OLFM2: variants seen among roughly 807,000 people sequenced by gnomAD.
OLFM2 encodes olfactomedin 2, also known as noelin-2.
Under a neutral mutation model 43.9 loss-of-function variants are expected in OLFM2, and 20 were observed. The ratio of observed to expected loss-of-function variants is 0.46; its 90% CI spans 0.32 to 0.66. The LOEUF (loss-of-function observed/expected upper bound fraction) is 0.66. Ranked by LOEUF, OLFM2 falls within the 30% of genes least tolerant of loss-of-function variation. OLFM2 has a pLI of 0.04. For synonymous variants in OLFM2, 268 were observed against 278.6 expected (o/e 0.96, Z 0.38); for missense variants, 416 against 643.6 (o/e 0.65, Z 3.83).
At chr19:9,912,740 G>C (rs1425771465) in intron 1 of OLFM2, among the ~76,000 whole-genome samples, 1 of 151,970 alleles carries the variant, frequency 6.6e-6, no homozygotes, top group Non-Finnish European at 1.5e-5. Flanking sequence ...GGAGCTTCTG[G>C]AGGCAGTGTC....
intron 1 of OLFM2, among the ~76,000 whole-genome samples, chr19:9,908,181 G>A (rs73018063): frequency 0.2 from 30,305 of 151,914 alleles, 3,928 homozygotes; most frequent in African/African-American, 0.37. Flanking sequence ...CATGCCAGGC[G>A]TGGTGCGATC....
At chr19:9,926,042 T>C (rs56929712) in intron 1 of OLFM2, among the ~76,000 whole-genome samples, 22,661 of 151,384 alleles carry the variant, frequency 0.15, 4,881 homozygotes, top group African/African-American at 0.48. Context: ...GAGGCTGAGG[T>C]GGAAGGATCC....
chr19:9,918,103 T>G (rs1244833721), intron 1 of OLFM2, among the ~76,000 whole-genome samples: 1 of 152,090 alleles, frequency 6.6e-6, no homozygotes, highest in East Asian at 1.9e-4. Context: ...GGTTTTGAAC[T>G]CCTGACCTCT....
chr19:9,915,496 T>TTTATTTATTTA (rs1555728543), intron 1 of OLFM2, among the ~76,000 whole-genome samples: 1 of 94,086 alleles, frequency 1.1e-5, no homozygotes, highest in Admixed American at 1.5e-4. Context: ...AAAGGGACTT[T>TTTATTTATTTA]TTTATTTATT....
At chr19:9,931,907 GA>G (rs968245883) in intron 1 of OLFM2, among the ~76,000 whole-genome samples, 55 of 152,082 alleles carry the variant, frequency 3.6e-4, no homozygotes, top group African/African-American at 1.3e-3. Context: ...ATCCAGGAGC[GA>G]GTGTTCCCCT....
At chr19:9,877,535 AAAATAAATAAATAAAT>A (rs71188850) in intron 1 of OLFM2, among the ~76,000 whole-genome samples, 52 of 147,566 alleles carry the variant, frequency 3.5e-4, no homozygotes, top group African/African-American at 4.7e-4. Flanking sequence ...CTCTGTCTCA[AAAATAAATAAATAAAT>A]AAATAAATAA....
At chr19:9,877,247 A>AT (rs1430408941) in intron 1 of OLFM2, among the ~76,000 whole-genome samples, 2 of 142,022 alleles carry the variant, frequency 1.4e-5, no homozygotes, top group Admixed American at 7.2e-5. Context: ...AAAAAAAAAA[A>AT]ATATGGCCAG....
chr19:9,892,189 C>T (rs1363770560), intron 1 of OLFM2, among the ~76,000 whole-genome samples: 3 of 152,010 alleles, frequency 2.0e-5, no homozygotes, highest in Admixed American at 2.0e-4. Flanking sequence ...GAGGCACGTG[C>T]ATGGGTTGGT....
chr19:9,894,084 G>A (rs956993394), intron 1 of OLFM2, among the ~76,000 whole-genome samples: 3 of 152,046 alleles, frequency 2.0e-5, no homozygotes, highest in African/African-American at 7.2e-5. Context: ...CTTGAGGCCA[G>A]GAGTTCGAGA....
At chr19:9,869,844 C>T (rs2046429291) in intron 1 of OLFM2, among the ~76,000 whole-genome samples, 1 of 152,152 alleles carries the variant, frequency 6.6e-6, no homozygotes, top group African/African-American at 2.4e-5. Flanking sequence ...TGTTTGAACT[C>T]GTGGCCTCAG....
In OLFM2 at chr19:9,856,970, C is replaced by T. The variant is rs1458495661; in HGVS notation, c.581-57G>A. Reference sequence around the variant, plus strand: ...GGGAAATGAACAGCCCAAGAGAGGCCAGGCAAAGATGAAGTGCTGTGATCA... The same window carrying T: ...GGGAAATGAACAGCCCAAGAGAGGCTAGGCAAAGATGAAGTGCTGTGATCA... On this transcript the variant is annotated intron_variant, in intron 4 of 5. Coordinates refer to ENST00000264833, the MANE Select transcript of OLFM2 (RefSeq NM_058164.4). The surrounding 1 kb of genome is among the most constrained non-coding windows in gnomAD (Gnocchi z 4.0). The T allele has an allele frequency of 1.4e-6, 2 of 1,380,238 alleles. No individual in the cohort carries two copies. The highest frequency in any genetic ancestry group is 2.0e-6 in the Non-Finnish European group (2 of 988,676). The allele number at this position is 1,380,238 out of a possible 1,614,324, so 85.5% of individuals were successfully genotyped here. A position where few individuals can be genotyped will look rare whatever the true frequency, so the allele number is the denominator to read the frequency against.
chr19:9,923,615 AAGAGAG>A, intron 1 of OLFM2, among the ~76,000 whole-genome samples: 1 of 149,740 alleles, frequency 6.7e-6, no homozygotes, highest in Admixed American at 6.7e-5. Flanking sequence ...GAAAGAAGGA[AAGAGAG>A]AGAGAGAGAA....
At position 9,906,492 on chromosome 19, in the gene OLFM2, A is replaced by G. The variant is rs146712136; in HGVS notation, c.63+29812T>C. The stretch of plus-strand genomic sequence containing the variant: ...AAAGAGCGCGCCCAAGAGCTGCTCA[A>G]ACCTTAGCTGTGTTTCTGATCACGA... On this transcript the variant is annotated intron_variant, in intron 1 of 5. Transcript: ENST00000264833. 3.0e-4 allele frequency among the ~76,000 whole-genome samples: 46 copies of G among 152,278 alleles called. No homozygotes were observed. The East Asian group carries it at 7.9e-3, about 26-fold the overall frequency.
chr19:9,900,017 A>G (rs1006770229), intron 1 of OLFM2, among the ~76,000 whole-genome samples: 2 of 152,150 alleles, frequency 1.3e-5, no homozygotes, highest in African/African-American at 2.4e-5. Context: ...TAGGTGCATA[A>G]TAAATATCTG....
At chr19:9,907,445 G>A (rs1490823971) in intron 1 of OLFM2, among the ~76,000 whole-genome samples, 2 of 152,032 alleles carry the variant, frequency 1.3e-5, no homozygotes, top group African/African-American at 4.8e-5. Flanking sequence ...CTGGGTGAGA[G>A]CGAGATTCTA....
Position 9,880,128 on chromosome 19 carries a change from T to C in OLFM2, c.64-19334A>G, listed in dbSNP as rs575822291. On this transcript the variant is annotated intron_variant, in intron 1 of 5. Transcript: ENST00000264833. ...ATCCTCCCACCTCGGCCTCCCAAAG[T>C]GCCAGGATTACAGATGCGAGCCACT... Among the ~76,000 whole-genome samples the C allele has an allele frequency of 2.6e-5, 4 of 152,208 alleles. No homozygotes were observed. The South Asian group carries it at 8.3e-4, about 32-fold the overall frequency.
chr19:9,901,553 A>G (rs2046740181), intron 1 of OLFM2, among the ~76,000 whole-genome samples: 3 of 152,206 alleles, frequency 2.0e-5, no homozygotes, highest in Admixed American at 2.0e-4. Flanking sequence ...GAACTCAGAC[A>G]CCCACCTGAC....
intron 1 of OLFM2, among the ~76,000 whole-genome samples, chr19:9,904,364 T>A (rs1344797218): frequency 6.6e-6 from 1 of 151,938 alleles, no homozygotes; most frequent in Non-Finnish European, 1.5e-5. Flanking sequence ...CTAATTTTTG[T>A]ATTTTTAGTA....
intron 1 of OLFM2, among the ~76,000 whole-genome samples, chr19:9,924,658 G>C (rs1468838882): frequency 6.6e-6 from 1 of 151,812 alleles, no homozygotes; most frequent in Non-Finnish European, 1.5e-5. Flanking sequence ...TCTTTTTTAT[G>C]GTCCATTTAG....
Sources: allele counts gnomAD v4.1 joint callset (sites outside exome capture counted in the v4.1 genomes callset), GRCh38; gene constraint gnomAD v4.1.1; non-coding constraint Gnocchi (gnomAD v3.1); transcripts MANE v1.5; gene names NCBI Gene and HGNC (gene_info 2026-07-23, HGNC 2026-07-21).